The following GALNTL6 variants were observed in gnomAD, a reference collection of about 807,000 sequenced individuals.
The protein encoded by GALNTL6 is polypeptide N-acetylgalactosaminyltransferase-like 6.
In GALNTL6, 46 loss-of-function variants were observed where a neutral mutation model predicts 73.7. That is an observed-to-expected ratio of 0.62 (90% confidence interval 0.49 to 0.80). The LOEUF (loss-of-function observed/expected upper bound fraction) is 0.80. GALNTL6 is among the 30% of genes least tolerant of loss of function. The pLI, the probability that GALNTL6 is intolerant of heterozygous loss-of-function variation, is 0.00. For synonymous variants in GALNTL6, 259 were observed against 263.7 expected (o/e 0.98, Z 0.17); for missense variants, 604 against 755.0 (o/e 0.80, Z 2.34).
At position 173,040,253 on chromosome 4, in the gene GALNTL6, G is replaced by C. The variant is rs1753851268; in HGVS notation, c.*153G>C. The C allele has an allele frequency of 5.4e-6, 3 of 551,566 alleles. No homozygotes were observed. Among genetic ancestry groups the C allele is most frequent in the Non-Finnish European group, 9.4e-6 (3 of 319,958 alleles). 34.2% of individuals were successfully genotyped at this position (551,566 alleles called of 1,614,324 possible). ...CCATGTCAAAGTAGGTTGTTTTGAA[G>C]AACTTCCTGCATCTGAAGAACTTGG... On this transcript the variant is annotated 3_prime_UTR_variant, in exon 13 of 13. Transcript: ENST00000506823.
intron 2 of GALNTL6, among the ~76,000 whole-genome samples, chr4:172,034,797 A>G (rs1437499726): frequency 6.6e-6 from 1 of 152,284 alleles, no homozygotes; most frequent in East Asian, 1.9e-4. Flanking sequence ...GATTTGGGGT[A>G]CATTGCCTTA....
intron 5 of GALNTL6, among the ~76,000 whole-genome samples, chr4:172,760,804 G>T (rs1012807878): frequency 6.6e-6 from 1 of 152,168 alleles, no homozygotes; most frequent in Non-Finnish European, 1.5e-5. Flanking sequence ...ACCAGCAGGG[G>T]ATAGGAGGAC....
chr4:172,753,618 GA>G (rs910905678), intron 5 of GALNTL6, among the ~76,000 whole-genome samples: 8 of 150,842 alleles, frequency 5.3e-5, no homozygotes, highest in African/African-American at 1.2e-4. Flanking sequence ...ATTTGAAACA[GA>G]AAAAAAAATG....
At chr4:172,268,226 C>T (rs1738515908) in intron 3 of GALNTL6, among the ~76,000 whole-genome samples, 1 of 152,138 alleles carries the variant, frequency 6.6e-6, no homozygotes, top group African/African-American at 2.4e-5. Context: ...CTTTTGGAAC[C>T]TATCACAAGT....
chr4:172,968,969 A>C (rs1750452293), intron 10 of GALNTL6, among the ~76,000 whole-genome samples: 1 of 152,238 alleles, frequency 6.6e-6, no homozygotes, highest in Non-Finnish European at 1.5e-5. Flanking sequence ...TAGTTCCAAC[A>C]CATAAAAATA....
Position 172,503,249 on chromosome 4 carries a change from A to G in GALNTL6, c.553+154560A>G, listed in dbSNP as rs984748690. On this transcript the variant is annotated intron_variant, in intron 5 of 12. Coordinates refer to ENST00000506823, the MANE Select transcript of GALNTL6 (RefSeq NM_001034845.3). ...TTGGCCATTAGCTTTAAAGAAAAAC[A>G]TCTATGGAAGCAAAATACCTTATTA... is the stretch of plus-strand genomic sequence containing the variant. 7.9e-5 allele frequency among the ~76,000 whole-genome samples: 12 copies of G among 152,210 alleles called. No individual in the cohort carries two copies. The South Asian group carries it at 2.5e-3, about 32-fold the overall frequency.
chr4:172,872,683 AAG>A, intron 7 of GALNTL6, among the ~76,000 whole-genome samples: 1 of 152,316 alleles, frequency 6.6e-6, no homozygotes, highest in East Asian at 1.9e-4. Flanking sequence ...GAGTCTGCTT[AAG>A]AGTCAAACCA....
rs373572133 is a variant in GALNTL6, at chr4:171,828,717, A to G, written c.138+13999A>G. Among the ~76,000 whole-genome samples the G allele has an allele frequency of 4.6e-5, 7 of 152,064 alleles. No homozygotes were observed. The East Asian group carries it at 7.8e-4, about 17-fold the overall frequency. ...TTACTGCAACTTCTTCTGCCTCCCAAGTTCAAACGATTCTCCGGCCTCAGC... is the reference window on the plus strand; with the variant it reads ...TTACTGCAACTTCTTCTGCCTCCCAGGTTCAAACGATTCTCCGGCCTCAGC... On this transcript the variant is annotated intron_variant, in intron 2 of 12. Coordinates refer to ENST00000506823, the MANE Select transcript of GALNTL6 (RefSeq NM_001034845.3).
intron 2 of GALNTL6, among the ~76,000 whole-genome samples, chr4:172,088,462 C>A (rs1052624898): frequency 6.6e-6 from 1 of 152,082 alleles, no homozygotes; most frequent in Non-Finnish European, 1.5e-5. Flanking sequence ...ATGTGTATAA[C>A]GCCTTCTTCA....
chr4:172,052,633 G>A (rs1730908994), intron 2 of GALNTL6: 4 of 651,886 alleles, frequency 6.1e-6, no homozygotes, highest in Non-Finnish European at 5.1e-6. Context: ...GGGTCACGTA[G>A]TCTCACCATC....
chr4:172,413,873 C>G (rs533941955), intron 5 of GALNTL6, among the ~76,000 whole-genome samples: 11 of 152,054 alleles, frequency 7.2e-5, no homozygotes, highest in African/African-American at 2.7e-4. Context: ...TGATCTTTCC[C>G]CAAATGTCTA....
At chr4:171,984,976 A>C (rs1367778688) in intron 2 of GALNTL6, among the ~76,000 whole-genome samples, 4 of 151,904 alleles carry the variant, frequency 2.6e-5, no homozygotes, top group Non-Finnish European at 5.9e-5. Flanking sequence ...GCAAAATACA[A>C]AAATAAAATC....
intron 9 of GALNTL6, among the ~76,000 whole-genome samples, chr4:172,945,856 G>T (rs1209616005): frequency 6.6e-6 from 1 of 152,092 alleles, no homozygotes; most frequent in African/African-American, 2.4e-5. Context: ...TGAGGTTGGG[G>T]CTGCCTTAAA....
chr4:171,925,985 G>T (rs1737966911), intron 2 of GALNTL6, among the ~76,000 whole-genome samples: 1 of 146,532 alleles, frequency 6.8e-6, no homozygotes, highest in African/African-American at 2.6e-5. Context: ...TAATTATGAG[G>T]CATCTGAAAT....
chr4:172,899,004 T>G (rs1284927781), intron 8 of GALNTL6, among the ~76,000 whole-genome samples: 2 of 152,134 alleles, frequency 1.3e-5, no homozygotes, highest in African/African-American at 4.8e-5. Context: ...CAGCCCCCAG[T>G]CACATAGCCA....
chr4:172,818,612 T>G (rs539008118), intron 7 of GALNTL6, among the ~76,000 whole-genome samples: 1 of 152,164 alleles, frequency 6.6e-6, no homozygotes, highest in Admixed American at 6.5e-5. Flanking sequence ...TCATCCTTTT[T>G]TTTGGAGACA....
At chr4:172,911,048 C>T (rs1283163997) in intron 8 of GALNTL6, among the ~76,000 whole-genome samples, 1 of 152,192 alleles carries the variant, frequency 6.6e-6, no homozygotes, top group Non-Finnish European at 1.5e-5. Context: ...ACACTTGGTT[C>T]CCAAGACAAA....
At chr4:172,184,302 A>T (rs1219058903) in intron 2 of GALNTL6, among the ~76,000 whole-genome samples, 1 of 152,138 alleles carries the variant, frequency 6.6e-6, no homozygotes, top group Non-Finnish European at 1.5e-5. Flanking sequence ...TGTATGTGGC[A>T]TTCACCTTAG....
At chr4:172,349,144 C>T (rs1387461462) in intron 5 of GALNTL6, among the ~76,000 whole-genome samples, 2 of 152,072 alleles carry the variant, frequency 1.3e-5, no homozygotes, top group Non-Finnish European at 2.9e-5. Flanking sequence ...ATAAGGGACA[C>T]AGGTACATAT....
Sources: gnomAD v4.1 joint callset for allele counts (sites outside exome capture counted in the v4.1 genomes callset) on GRCh38, gnomAD v4.1.1 for gene constraint, MANE v1.5 for transcripts, NCBI Gene and HGNC (gene_info 2026-07-23, HGNC 2026-07-21) for gene names.